The following SEPTIN10 variants were observed in gnomAD, a reference collection of about 807,000 sequenced individuals.
The protein encoded by SEPTIN10 is septin-10.
SEPTIN10 carries 66 observed loss-of-function variants against 54.8 expected under a neutral mutation model. The observed-to-expected ratio is 1.21, with a 90% confidence interval of 0.99 to 1.48. The LOEUF is 1.48. Among genes scored for constraint, SEPTIN10 ranks in the 40% most tolerant of loss-of-function variants. The pLI, the probability that SEPTIN10 is intolerant of heterozygous loss-of-function variation, is 0.00. For synonymous variants in SEPTIN10, 161 were observed against 181.0 expected, an observed-to-expected ratio of 0.89 and a Z score of 0.89; for missense variants, 620 against 545.6, an observed-to-expected ratio of 1.14 and a Z score of -1.36.
intron 4 of SEPTIN10, among the ~76,000 whole-genome samples, chr2:109,578,420 A>T (rs959746397): frequency 6.6e-6 from 1 of 152,236 alleles, no homozygotes; most frequent in Non-Finnish European, 1.5e-5. Flanking sequence ...ACTACGTAAT[A>T]ATAAAAGTGT....
At chr2:109,587,407 T>C (rs894058222) in intron 2 of SEPTIN10, among the ~76,000 whole-genome samples, 10 of 151,868 alleles carry the variant, frequency 6.6e-5, no homozygotes, top group African/African-American at 2.4e-4. Context: ...TACCAGTAAT[T>C]GGAATACAAG....
At chr2:109,545,923 G>C in intron 10 of SEPTIN10, 127 bp downstream of exon 10, 1 of 1,450,424 alleles carries the variant, frequency 6.9e-7, no homozygotes, top group Non-Finnish European at 9.2e-7. Context: ...CTCTCCAGGA[G>C]CTGACATTTA....
At chr2:109,594,814 T>C (rs28699105) in intron 1 of SEPTIN10, 11,652 of 152,226 alleles carry the variant, frequency 0.077, 799 homozygotes, top group African/African-American at 0.18. Context: ...AAATTTCATA[T>C]ATGCTAACAA....
At chr2:109,603,494 C>T (rs1033276649) in intron 1 of SEPTIN10, among the ~76,000 whole-genome samples, 3 of 152,066 alleles carry the variant, frequency 2.0e-5, no homozygotes, top group Admixed American at 2.0e-4. Flanking sequence ...CTGCCTCAGC[C>T]TCCCAAAGAG....
Position 109,543,253 on chromosome 2 carries a change from G to A in SEPTIN10, c.*1056C>T, listed in dbSNP as rs1168838537. ...GATTCAACCTTATTATTTTTACCCT[G>A]GAAGACAGAGTTTAAACAAGTATGT... On this transcript the variant is annotated 3_prime_UTR_variant, in exon 11 of 11. Transcript: ENST00000397712. The A allele has an allele frequency of 1.3e-5, 2 of 152,342 alleles. No individual in the cohort carries two copies. Among genetic ancestry groups the A allele is most frequent in the Non-Finnish European group, 2.9e-5 (2 of 67,958 alleles). The allele number at this position is 152,342 out of a possible 1,614,324, so 9.4% of individuals were successfully genotyped here. A position where few individuals can be genotyped will look rare whatever the true frequency, so the allele number is the denominator to read the frequency against.
chr2:109,599,684 T>G (rs531732865), intron 1 of SEPTIN10, among the ~76,000 whole-genome samples: 1 of 152,234 alleles, frequency 6.6e-6, no homozygotes, highest in East Asian at 1.9e-4. Context: ...ATTCTACTTT[T>G]TAGTCTCAAA....
At chr2:109,587,603 G>A (rs1197178243) in intron 2 of SEPTIN10, among the ~76,000 whole-genome samples, 1 of 152,064 alleles carries the variant, frequency 6.6e-6, no homozygotes, top group East Asian at 1.9e-4. Context: ...ACAGCAAACT[G>A]CTAAAAAACA....
At chr2:109,596,269 G>A (rs1303807605) in intron 1 of SEPTIN10, among the ~76,000 whole-genome samples, 1 of 152,132 alleles carries the variant, frequency 6.6e-6, no homozygotes, top group African/African-American at 2.4e-5. Context: ...CATATCATGA[G>A]TTTTGGTGAA....
At chr2:109,586,931 T>C (rs1486029288) in intron 2 of SEPTIN10, among the ~76,000 whole-genome samples, 4 of 152,104 alleles carry the variant, frequency 2.6e-5, no homozygotes, top group Admixed American at 2.6e-4. Flanking sequence ...TTCAAGACTC[T>C]GCAGAAGAAG....
intron 2 of SEPTIN10, among the ~76,000 whole-genome samples, chr2:109,592,294 G>A (rs1248321717): frequency 4.0e-5 from 6 of 151,466 alleles, no homozygotes; most frequent in East Asian, 3.9e-4. Context: ...GCAAAACCCC[G>A]TCTCTACTAA....
At chr2:109,587,714 C>T (rs1692902800) in intron 2 of SEPTIN10, among the ~76,000 whole-genome samples, 1 of 152,164 alleles carries the variant, frequency 6.6e-6, no homozygotes, top group African/African-American at 2.4e-5. Context: ...GAGATTGAGA[C>T]CATCCTGGCT....
At chr2:109,544,981 C>T (rs527732946) in intron 10 of SEPTIN10, 1 of 985,372 alleles carries the variant, frequency 1.0e-6, no homozygotes, top group East Asian at 1.1e-4. Context: ...CCAATAAAAT[C>T]TGCCAAAGTC....
At chr2:109,572,956 A>T (rs1688759725) in intron 5 of SEPTIN10, among the ~76,000 whole-genome samples, 1 of 152,172 alleles carries the variant, frequency 6.6e-6, no homozygotes, top group Non-Finnish European at 1.5e-5. Context: ...GTATTTTTAC[A>T]GGGTAGTTTA....
Position 109,597,337 on chromosome 2 carries a change from A to G in SEPTIN10, c.31-4218T>C, listed in dbSNP as rs181295243. Among the ~76,000 whole-genome samples, 191 of 152,332 alleles carry G rather than the reference A, an allele frequency of 1.3e-3. 1 individual carries two copies. The highest frequency in any genetic ancestry group is 3.5e-3 in the Admixed American group (53 of 15,298). Reference sequence around the variant, plus strand: ...AAACAGAGCTCTGTGTAGGGCTAAGAAACACTAAATTAGAAAAAAATTAAA... The same window carrying G: ...AAACAGAGCTCTGTGTAGGGCTAAGGAACACTAAATTAGAAAAAAATTAAA... On this transcript the variant is annotated intron_variant, in intron 1 of 10. Coordinates refer to ENST00000397712, the MANE Select transcript of SEPTIN10 (RefSeq NM_144710.5).
chr2:109,612,878 C>G (rs1230774730), intron 1 of SEPTIN10, among the ~76,000 whole-genome samples: 2 of 152,150 alleles, frequency 1.3e-5, no homozygotes, highest in African/African-American at 4.8e-5. Flanking sequence ...TCACTTTGGA[C>G]GGATCCTCTA....
At chr2:109,600,305 A>G (rs1696333293) in intron 1 of SEPTIN10, among the ~76,000 whole-genome samples, 1 of 152,076 alleles carries the variant, frequency 6.6e-6, no homozygotes, top group African/African-American at 2.4e-5. Flanking sequence ...TTCACAGGCA[A>G]TACTACCCCT....
intron 1 of SEPTIN10, among the ~76,000 whole-genome samples, chr2:109,606,287 T>C (rs1573871697): frequency 6.6e-6 from 1 of 151,972 alleles, no homozygotes. Context: ...TGGTGGCACA[T>C]GCCTGTAATC....
At chr2:109,578,789 T>C (rs969335571) in intron 4 of SEPTIN10, among the ~76,000 whole-genome samples, 1 of 151,306 alleles carries the variant, frequency 6.6e-6, no homozygotes, top group African/African-American at 2.4e-5. Flanking sequence ...AAAAAAGAAA[T>C]TTACTGAAAT....
chr2:109,544,930 AAAAC>A (rs1190641713), intron 10 of SEPTIN10: 89 of 982,158 alleles, frequency 9.1e-5, no homozygotes, highest in Admixed American at 1.2e-4. Context: ...CTTTTCCAAA[AAAAC>A]AAACAAACAA....
Sources: gnomAD v4.1 joint callset for allele counts (sites outside exome capture counted in the v4.1 genomes callset) on GRCh38, gnomAD v4.1.1 for gene constraint, MANE v1.5 for transcripts, NCBI Gene and HGNC (gene_info 2026-07-23, HGNC 2026-07-21) for gene names.